The following CFAP61 variants were observed in gnomAD, a reference collection of about 807,000 sequenced individuals.
CFAP61 encodes the protein cilia- and flagella-associated protein 61.
A neutral mutation model predicts 135.6 loss-of-function variants in CFAP61; 107 were observed. The ratio of observed to expected loss-of-function variants is 0.79; its 90% CI spans 0.67 to 0.93. The LOEUF (loss-of-function observed/expected upper bound fraction) is 0.93. Ranked by LOEUF, CFAP61 falls within the 40% of genes least tolerant of loss-of-function variation. The probability of loss-of-function intolerance (pLI) is 0.00; values close to 1 mark genes in which losing one functional copy is unlikely to be tolerated. For missense variants in CFAP61, 1,507 were observed against 1,556.2 expected, an observed-to-expected ratio of 0.97 and a Z score of 0.53; for synonymous variants, 575 against 578.5, an observed-to-expected ratio of 0.99 and a Z score of 0.09.
At chr20:20,175,864 G>T (rs997516556) in intron 13 of CFAP61, among the ~76,000 whole-genome samples, 13 of 152,046 alleles carry the variant, frequency 8.6e-5, no homozygotes, top group African/African-American at 3.1e-4. Flanking sequence ...TACGTCATCT[G>T]GTAGAAAATA....
chr20:20,241,016 C>T (rs1283691471), intron 18 of CFAP61, among the ~76,000 whole-genome samples: 2 of 152,146 alleles, frequency 1.3e-5, no homozygotes, highest in African/African-American at 2.4e-5. Context: ...TCTGTGGATC[C>T]GTCCTATCAG....
intron 25 of CFAP61, among the ~76,000 whole-genome samples, chr20:20,320,407 TATGTAATATATATTATATATGTA>T: frequency 8.5e-6 from 1 of 116,974 alleles, no homozygotes; most frequent in Non-Finnish European, 1.6e-5. Context: ...ATATGTAATA[TATGTAATATATATTATATATGTA>T]ATATAATATA....
chr20:20,297,014 A>G (rs1162683523), intron 24 of CFAP61, among the ~76,000 whole-genome samples: 4 of 151,610 alleles, frequency 2.6e-5, no homozygotes, highest in Admixed American at 2.6e-4. Flanking sequence ...CCCCAACCCC[A>G]CTTGCTCCTC....
At chr20:20,140,001 GT>G (rs1375262029) in intron 8 of CFAP61, among the ~76,000 whole-genome samples, 1 of 151,922 alleles carries the variant, frequency 6.6e-6, no homozygotes, top group African/African-American at 2.4e-5. Flanking sequence ...TGATAATGAG[GT>G]TTTTTTAATT....
chr20:20,069,654 G>A (rs2045568279), intron 2 of CFAP61: 1 of 438,894 alleles, frequency 2.3e-6, no homozygotes. Flanking sequence ...TGGAGAGACA[G>A]AAACCAAAGT....
intron 15 of CFAP61, among the ~76,000 whole-genome samples, chr20:20,194,395 G>T (rs1343197426): frequency 1.3e-5 from 2 of 151,852 alleles, no homozygotes; most frequent in Non-Finnish European, 2.9e-5. Context: ...TTCTCTTATT[G>T]TTCCTTTTTG....
intron 17 of CFAP61, among the ~76,000 whole-genome samples, chr20:20,207,463 G>A (rs1206705842): frequency 6.6e-6 from 1 of 152,210 alleles, no homozygotes; most frequent in Non-Finnish European, 1.5e-5. Context: ...GGACGCATCA[G>A]CTGCCTGCTG....
chr20:20,086,623 A>G (rs74577393), intron 6 of CFAP61, among the ~76,000 whole-genome samples: 7,080 of 152,054 alleles, frequency 0.047, 536 homozygotes, highest in African/African-American at 0.16. Context: ...CTTGGGCATA[A>G]AAATTCTGCC....
intron 17 of CFAP61, among the ~76,000 whole-genome samples, chr20:20,212,102 T>C (rs1601426226): frequency 6.6e-6 from 1 of 152,286 alleles, no homozygotes; most frequent in East Asian, 1.9e-4. Flanking sequence ...ACACACTGGG[T>C]CTTTGGTCAC....
intron 13 of CFAP61, among the ~76,000 whole-genome samples, chr20:20,181,933 T>C (rs1340702521): frequency 6.6e-6 from 1 of 152,158 alleles, no homozygotes; most frequent in Non-Finnish European, 1.5e-5. Context: ...CCATAATGGC[T>C]AAAATGAAAG....
At chr20:20,284,481 T>C (rs1359393824) in intron 22 of CFAP61, among the ~76,000 whole-genome samples, 2 of 152,038 alleles carry the variant, frequency 1.3e-5, no homozygotes, top group African/African-American at 4.8e-5. Flanking sequence ...GAGACGGGGT[T>C]TCACCGTGTT....
rs575787638 is a variant in CFAP61 at position 20,228,118 on chromosome 20, A to G, written c.1933-131A>G. ...TTCCCATGCATTTTATGGTGGCTGT[A>G]CATGGGCACTATTAGGTTTGTTTTG... On this transcript the variant is annotated intron_variant, in intron 17 of 26. Coordinates refer to ENST00000245957, the MANE Select transcript of CFAP61 (RefSeq NM_015585.4). 6 of 644,820 alleles carry G rather than the reference A, an allele frequency of 9.3e-6. No homozygotes were observed. The South Asian group carries it at 1.8e-4, about 20-fold the overall frequency. 39.9% of individuals were successfully genotyped at this position (644,820 alleles called of 1,614,324 possible).
chr20:20,074,435 G>T, intron 4 of CFAP61, 57 bp downstream of exon 4: 1 of 1,443,552 alleles, frequency 6.9e-7, no homozygotes. Context: ...GGATAGTTTT[G>T]AAATATTTTT....
intron 6 of CFAP61, among the ~76,000 whole-genome samples, chr20:20,077,503 G>A (rs1254817509): frequency 6.6e-6 from 1 of 152,206 alleles, no homozygotes; most frequent in Non-Finnish European, 1.5e-5. Context: ...TCTGTAAAAT[G>A]TTTGAAGAGG....
intron 21 of CFAP61, among the ~76,000 whole-genome samples, chr20:20,263,675 A>C (rs2052454248): frequency 6.6e-6 from 1 of 152,222 alleles, no homozygotes; most frequent in Non-Finnish European, 1.5e-5. Context: ...GCCACTCAAA[A>C]GTGTATTCTC....
intron 2 of CFAP61, among the ~76,000 whole-genome samples, chr20:20,068,717 G>C (rs1208261714): frequency 6.6e-6 from 1 of 152,158 alleles, no homozygotes; most frequent in Non-Finnish European, 1.5e-5. Context: ...AAAATTTTTT[G>C]TTTTAAATGT....
At chr20:20,132,799 A>G (rs1394017289) in intron 8 of CFAP61, among the ~76,000 whole-genome samples, 1 of 152,082 alleles carries the variant, frequency 6.6e-6, no homozygotes, top group Non-Finnish European at 1.5e-5. Flanking sequence ...TGATTTTAAT[A>G]TGGCCACATC....
rs556306492 is a variant in CFAP61 at position 20,084,609 on chromosome 20, A to G, written c.567-6235A>G. Among the ~76,000 whole-genome samples, 248 of 152,314 alleles carry G rather than the reference A, an allele frequency of 1.6e-3. 1 individual carries two copies. Among genetic ancestry groups the G allele is most frequent in the African/African-American group, 5.6e-3 (233 of 41,572 alleles). On this transcript the variant is annotated intron_variant, in intron 6 of 26. Coordinates refer to ENST00000245957, the MANE Select transcript of CFAP61 (RefSeq NM_015585.4). ...GCCAGGCTGTGGAGGTGATGAAGCAATGTCAGGATCTGCGTGTCACCCAGA... is the reference window on the plus strand; with the variant it reads ...GCCAGGCTGTGGAGGTGATGAAGCAGTGTCAGGATCTGCGTGTCACCCAGA...
At chr20:20,143,291 A>G (rs1011785310) in intron 9 of CFAP61, among the ~76,000 whole-genome samples, 4 of 152,164 alleles carry the variant, frequency 2.6e-5, no homozygotes, top group South Asian at 2.1e-4. Flanking sequence ...CTGACACACT[A>G]TCTGCATACT....
Sources: allele counts gnomAD v4.1 joint callset (sites outside exome capture counted in the v4.1 genomes callset), GRCh38; gene constraint gnomAD v4.1.1; transcripts MANE v1.5; gene names NCBI Gene and HGNC (gene_info 2026-07-23, HGNC 2026-07-21).